Variants in HMCN1 observed in about 807,000 individuals in gnomAD.
HMCN1 encodes hemicentin-1.
HMCN1 carries 321 observed loss-of-function variants against 625.9 expected under a neutral mutation model. The ratio of observed to expected loss-of-function variants is 0.51; its 90% CI spans 0.47 to 0.56. The LOEUF (loss-of-function observed/expected upper bound fraction) is 0.56. Among genes scored for constraint, HMCN1 ranks in the 20% least tolerant of loss-of-function variants. HMCN1 has a pLI of 0.00. For synonymous variants in HMCN1, 2,425 were observed against 2,417.6 expected (o/e 1.00, Z -0.09); for missense variants, 6,588 against 6,887.3 (o/e 0.96, Z 1.54).
intron 4 of HMCN1, among the ~76,000 whole-genome samples, chr1:185,896,730 T>C (rs1395340942): frequency 1.3e-5 from 2 of 152,214 alleles, no homozygotes; most frequent in Non-Finnish European, 2.9e-5. Context: ...TTCTAATATA[T>C]ACATGGGTCT....
chr1:186,052,859 T>C, intron 42 of HMCN1, 93 bp from the exon 43 acceptor site: 1 of 1,072,950 alleles, frequency 9.3e-7, no homozygotes, highest in Non-Finnish European at 1.4e-6. Flanking sequence ...CTTCCTTATG[T>C]CATTTGAGTA....
At chr1:186,163,790 A>G (rs1651685965) in intron 97 of HMCN1, among the ~76,000 whole-genome samples, 1 of 152,200 alleles carries the variant, frequency 6.6e-6, no homozygotes, top group East Asian at 1.9e-4. Context: ...ACATGGCAAT[A>G]TTGTAAAACC....
intron 97 of HMCN1, among the ~76,000 whole-genome samples, chr1:186,154,558 T>G (rs1487559997): frequency 1.3e-5 from 2 of 152,214 alleles, no homozygotes; most frequent in African/African-American, 4.8e-5. Context: ...GTCCAAATGC[T>G]TTTTATTCAA....
chr1:186,146,872 A>G (rs1459241074), intron 93 of HMCN1, among the ~76,000 whole-genome samples: 1 of 152,114 alleles, frequency 6.6e-6, no homozygotes, highest in Non-Finnish European at 1.5e-5. Context: ...CTGGCAGAGG[A>G]TTTCAGAGAT....
At position 185,738,426 on chromosome 1, in the gene HMCN1, A is replaced by G. The variant is rs77172404; in HGVS notation, c.268+3379A>G. ...GTCATATTCTATAAGGTCTTTCATGACTGGCTTCTTTCACTTTAGCATAAC... is the reference window on the plus strand; with the variant it reads ...GTCATATTCTATAAGGTCTTTCATGGCTGGCTTCTTTCACTTTAGCATAAC... On this transcript the variant is annotated intron_variant, in intron 1 of 106. Transcript: ENST00000271588. Among the ~76,000 whole-genome samples the G allele has an allele frequency of 9.6e-3, 1,466 of 152,288 alleles. 15 individuals are homozygous for G. Among genetic ancestry groups the G allele is most frequent in the Middle Eastern group, 0.031 (9 of 294 alleles).
Position 185,777,329 on chromosome 1 carries a change from A to G in HMCN1, c.268+42282A>G, listed in dbSNP as rs145387709. 7.3e-3 allele frequency among the ~76,000 whole-genome samples: 1,117 copies of G among 152,320 alleles called. 9 individuals carry two copies. The highest frequency in any genetic ancestry group is 0.027 in the Middle Eastern group (8 of 294). ...TATCATTCAATACATTCAATAGCTCAGTCTCCAGAATCTTACAGTCTTGCT... is the reference window on the plus strand; with the variant it reads ...TATCATTCAATACATTCAATAGCTCGGTCTCCAGAATCTTACAGTCTTGCT... On this transcript the variant is annotated intron_variant, in intron 1 of 106. Coordinates refer to ENST00000271588, the MANE Select transcript of HMCN1 (RefSeq NM_031935.3).
chr1:185,897,961 A>G (rs996321562), intron 4 of HMCN1, among the ~76,000 whole-genome samples: 8 of 152,232 alleles, frequency 5.3e-5, no homozygotes, highest in Non-Finnish European at 8.8e-5. Flanking sequence ...AGTTGATCCT[A>G]TAAAATGGAG....
Position 186,065,316 on chromosome 1 carries a change from G to C in HMCN1, c.7592G>C (p.Gly2531Ala). The change falls in exon 49 of 107, where the codon GGT (glycine) becomes GCT (alanine). Residue 2531 changes from glycine (G) to alanine (A), a missense_variant. Around this residue, in one of 3 missense-constraint regions of HMCN1, gnomAD observed 4,628 missense variants for 4,853.1 expected, o/e 0.95. Transcript: ENST00000271588. ...GATGAAGCCCATCACATTATATCTG[G>C]TGGCCGTTTTCTTCAAATTACCAAT... ...QEDEAHHIIS[G>A]GRFLQITNVQ... The C allele has an allele frequency of 6.2e-7, 1 of 1,612,572 alleles. No individual in the cohort carries two copies. Among genetic ancestry groups the C allele is most frequent in the South Asian group, 1.1e-5 (1 of 91,006 alleles).
intron 1 of HMCN1, among the ~76,000 whole-genome samples, chr1:185,792,887 T>A (rs1485621551): frequency 6.6e-6 from 1 of 152,206 alleles, no homozygotes; most frequent in Non-Finnish European, 1.5e-5. Flanking sequence ...GGGTGATTAT[T>A]AATATATTGT....
At chr1:185,928,059 T>TG (rs1399078140) in intron 9 of HMCN1, among the ~76,000 whole-genome samples, 16 of 152,302 alleles carry the variant, frequency 1.1e-4, no homozygotes, top group African/African-American at 3.6e-4. Flanking sequence ...GAATGATATA[T>TG]GGCCTTATAT....
intron 1 of HMCN1, among the ~76,000 whole-genome samples, chr1:185,777,367 C>T (rs1299181432): frequency 6.6e-6 from 1 of 152,186 alleles, no homozygotes. Flanking sequence ...AAAGCAATCT[C>T]CAATTTCAAA....
rs537581863 is a variant in HMCN1 at position 185,796,732 on chromosome 1, TTATC to T, written c.269-49291_269-49288del. On this transcript the variant is annotated intron_variant, in intron 1 of 106. Coordinates refer to ENST00000271588, the MANE Select transcript of HMCN1 (RefSeq NM_031935.3). ...CATATATACACACACTGCATTTTCT[TTATC>T]TAGTCAACTATTGATGTATACTTAG... Among the ~76,000 whole-genome samples, 6 of 152,316 alleles carry T rather than the reference TTATC, an allele frequency of 3.9e-5. 1 individual carries two copies. The South Asian group carries it at 1.0e-3, about 26-fold the overall frequency.
intron 89 of HMCN1, among the ~76,000 whole-genome samples, chr1:186,141,070 G>T (rs938418804): frequency 2.0e-5 from 3 of 152,144 alleles, no homozygotes; most frequent in Non-Finnish European, 2.9e-5. Context: ...GGGGGACAGT[G>T]ACAGATCATC....
chr1:185,850,424 C>G (rs1662091075), intron 2 of HMCN1, among the ~76,000 whole-genome samples: 2 of 152,006 alleles, frequency 1.3e-5, no homozygotes, highest in Admixed American at 1.3e-4. Flanking sequence ...TCTTGAAAAT[C>G]TGGCCAGAAT....
rs764248955 is a variant in HMCN1 at position 186,128,116 on chromosome 1, T to C, written c.12729T>C (p.Asn4243=). The C allele has an allele frequency of 1.9e-6, 3 of 1,613,690 alleles. No individual in the cohort carries two copies. The highest frequency in any genetic ancestry group is 2.2e-5 in the East Asian group (1 of 44,864). Residue 4243 remains asparagine (N), a synonymous_variant, in exon 83 of 107, where the codon AAT becomes AAC. Coordinates refer to ENST00000271588, the MANE Select transcript of HMCN1 (RefSeq NM_031935.3). ...DSGFYTCVAN[N]AAGEDTHTVS... ...GCTTCTATACCTGTGTTGCTAACAA[T>C]GCTGCAGGTGAAGATACACACACTG...
intron 6 of HMCN1, among the ~76,000 whole-genome samples, chr1:185,913,851 C>T (rs1208017469): frequency 1.3e-5 from 2 of 152,228 alleles, no homozygotes; most frequent in Admixed American, 6.5e-5. Flanking sequence ...ACATTACGCA[C>T]ATTTTAATTG....
At chr1:185,842,487 T>C (rs926567131) in intron 1 of HMCN1, among the ~76,000 whole-genome samples, 7 of 151,764 alleles carry the variant, frequency 4.6e-5, no homozygotes, top group African/African-American at 1.5e-4. Flanking sequence ...TGCTTGAGCA[T>C]TGGGAGGTCG....
Position 186,119,252 on chromosome 1 carries a change from G to A in HMCN1, c.11910G>A (p.Arg3970=). The change falls in exon 78 of 107, where the codon AGG becomes AGA. Residue 3970 remains arginine, a synonymous_variant. Transcript: ENST00000271588. The part of the protein sequence containing the change: ...NHAGRYTCVA[R]NAAGSAHRHV... ...CTGGAAGATACACTTGTGTCGCTAG[G>A]AATGCGGCTGGCTCTGCACATCGAC... 6.2e-7 allele frequency: 1 copy of A among 1,613,966 alleles called. No homozygotes were observed. Among genetic ancestry groups the A allele is most frequent in the South Asian group, 1.1e-5 (1 of 91,078 alleles).
intron 15 of HMCN1, among the ~76,000 whole-genome samples, chr1:185,975,212 G>C (rs764700667): frequency 6.6e-6 from 1 of 152,148 alleles, no homozygotes; most frequent in Non-Finnish European, 1.5e-5. Context: ...CTAGGTCTTA[G>C]AGACTTCGTG....
Sources: gnomAD v4.1 joint callset for allele counts (sites outside exome capture counted in the v4.1 genomes callset) on GRCh38, gnomAD v4.1.1 for gene constraint, gnomAD v4.1.1 regional missense constraint, MANE v1.5 for transcripts, NCBI Gene and HGNC (gene_info 2026-07-23, HGNC 2026-07-21) for gene names.